Variants in FBXO16 observed in about 807,000 individuals in gnomAD.
FBXO16 encodes the protein F-box only protein 16.
Under a neutral mutation model 41.0 loss-of-function variants are expected in FBXO16, and 31 were observed. That is an observed-to-expected ratio of 0.76 (90% CI 0.57 to 1.02). The LOEUF (loss-of-function observed/expected upper bound fraction) is 1.02, where lower values mean the gene tolerates loss of function less well. Among genes scored for constraint, FBXO16 ranks in the 50% least tolerant of loss-of-function variants. FBXO16 has a pLI of 0.00. For synonymous variants in FBXO16, 133 were observed against 117.8 expected, an observed-to-expected ratio of 1.13 and a Z score of -0.84; for missense variants, 361 against 346.2, an observed-to-expected ratio of 1.04 and a Z score of -0.34.
intron 7 of FBXO16, among the ~76,000 whole-genome samples, chr8:28,441,802 T>C (rs1802781497): frequency 6.7e-6 from 1 of 149,786 alleles, no homozygotes; most frequent in Non-Finnish European, 1.5e-5. Context: ...ATCTTTGAAG[T>C]TTAATGAAGA....
chr8:28,467,547 G>C (rs985274100), intron 3 of FBXO16, among the ~76,000 whole-genome samples: 8 of 152,182 alleles, frequency 5.3e-5, no homozygotes, highest in African/African-American at 1.9e-4. Context: ...AAATGTCACA[G>C]TGATGTTAAA....
At chr8:28,433,582 C>G (rs1052639763) in intron 7 of FBXO16, among the ~76,000 whole-genome samples, 2 of 152,202 alleles carry the variant, frequency 1.3e-5, no homozygotes, top group African/African-American at 4.8e-5. Context: ...CGGAAGCTCT[C>G]CCCTGTAGCC....
At chr8:28,490,128 C>G (rs979680363) in intron 1 of FBXO16, 58 bp downstream of exon 1, 1 of 152,182 alleles carries the variant, frequency 6.6e-6, no homozygotes, top group East Asian at 1.9e-4. Context: ...ATGGGAGGCC[C>G]TGGAGCTTTC....
Position 28,447,780 on chromosome 8 carries a change from C to T in FBXO16, c.741-507G>A, listed in dbSNP as rs1802889647. On this transcript the variant is annotated intron_variant, in intron 6 of 8. Transcript: ENST00000380254. ...ACCAGCCTGGCCAACATGGTGAAAC[C>T]CCATCTCTACTAAAAATACAAAAAT... is the stretch of plus-strand genomic sequence containing the variant. 2.6e-5 allele frequency among the ~76,000 whole-genome samples: 4 copies of T among 152,156 alleles called. No individual in the cohort carries two copies. The East Asian group carries it at 5.8e-4, about 22-fold the overall frequency.
chr8:28,447,751 C>T (rs960961371), intron 6 of FBXO16, among the ~76,000 whole-genome samples: 83 of 152,056 alleles, frequency 5.5e-4, no homozygotes, highest in Non-Finnish European at 3.4e-4. Flanking sequence ...GTCAGGGGTT[C>T]GAGACCAGCC....
intron 2 of FBXO16, among the ~76,000 whole-genome samples, 176 bp from the exon 3 acceptor site, chr8:28,473,983 CTT>C (rs1038870879): frequency 6.6e-6 from 1 of 151,248 alleles, no homozygotes; most frequent in East Asian, 1.9e-4. Flanking sequence ...GTTTCTCTCT[CTT>C]TTTTTTTCTT....
intron 1 of FBXO16, among the ~76,000 whole-genome samples, chr8:28,488,103 G>A (rs561127443): frequency 2.2e-4 from 34 of 151,892 alleles, no homozygotes; most frequent in Non-Finnish European, 4.4e-4. Context: ...CACCCACTTC[G>A]GCCTCCCAAA....
intron 3 of FBXO16, among the ~76,000 whole-genome samples, chr8:28,467,400 C>T (rs985007420): frequency 1.3e-5 from 2 of 152,084 alleles, no homozygotes; most frequent in African/African-American, 4.8e-5. Flanking sequence ...ATATGTCAGC[C>T]TCGATTTCCT....
intron 3 of FBXO16, among the ~76,000 whole-genome samples, chr8:28,466,866 T>C (rs1803252202): frequency 6.6e-6 from 1 of 152,160 alleles, no homozygotes; most frequent in Non-Finnish European, 1.5e-5. Context: ...GGAGTATGGC[T>C]GTGAGTTTTG....
At chr8:28,440,369 C>CT (rs1221775262) in intron 7 of FBXO16, among the ~76,000 whole-genome samples, 1 of 152,108 alleles carries the variant, frequency 6.6e-6, no homozygotes, top group African/African-American at 2.4e-5. Flanking sequence ...CTCCTCCATC[C>CT]TTGGGGTTTC....
At chr8:28,467,587 A>G (rs923607707) in intron 3 of FBXO16, among the ~76,000 whole-genome samples, 2 of 152,232 alleles carry the variant, frequency 1.3e-5, no homozygotes, top group African/African-American at 4.8e-5. Flanking sequence ...AAGTAACTAT[A>G]AAAAGATGTG....
At chr8:28,478,325 A>T (rs1247102025) in intron 2 of FBXO16, among the ~76,000 whole-genome samples, 2 of 152,250 alleles carry the variant, frequency 1.3e-5, no homozygotes, top group East Asian at 3.9e-4. Context: ...CACCTGTTGG[A>T]AGGCTGCTGG....
At chr8:28,440,709 A>C (rs1802758270) in intron 7 of FBXO16, among the ~76,000 whole-genome samples, 1 of 152,206 alleles carries the variant, frequency 6.6e-6, no homozygotes, top group Admixed American at 6.5e-5. Flanking sequence ...ACAGGAAAAG[A>C]TAAGGGCTAA....
At chr8:28,465,868 G>T (rs566570209) in intron 3 of FBXO16, among the ~76,000 whole-genome samples, 2 of 152,098 alleles carry the variant, frequency 1.3e-5, no homozygotes, top group Non-Finnish European at 2.9e-5. Flanking sequence ...ACTTTTTAAA[G>T]TTCAGTTTGA....
At chr8:28,430,984 T>TAAATA (rs1802597388) in intron 7 of FBXO16, among the ~76,000 whole-genome samples, 1 of 151,906 alleles carries the variant, frequency 6.6e-6, no homozygotes, top group South Asian at 2.1e-4. Context: ...AAAATATAAA[T>TAAATA]AAATAAAATA....
intron 5 of FBXO16, 106 bp from the exon 6 acceptor site, chr8:28,452,582 C>A (rs1381570402): frequency 9.7e-7 from 1 of 1,028,412 alleles, no homozygotes; most frequent in African/African-American, 1.6e-5. Flanking sequence ...AGGCGGATCA[C>A]CTGAGGTCAG....
intron 4 of FBXO16, among the ~76,000 whole-genome samples, chr8:28,457,592 A>G (rs1803058941): frequency 6.6e-6 from 1 of 152,144 alleles, no homozygotes. Context: ...ATCAGATCTC[A>G]TAAGAATGAC....
intron 7 of FBXO16, 43 bp from the exon 8 acceptor site, chr8:28,429,446 G>A: frequency 6.2e-7 from 1 of 1,611,448 alleles, no homozygotes; most frequent in Non-Finnish European, 8.5e-7. Context: ...GAGAGGAAAA[G>A]AAAGAAATAA....
chr8:28,468,153 G>A (rs999347499), intron 3 of FBXO16, among the ~76,000 whole-genome samples: 1 of 152,188 alleles, frequency 6.6e-6, no homozygotes, highest in Non-Finnish European at 1.5e-5. Flanking sequence ...TAACTGAGTA[G>A]CCAGGGACCT....
Sources: allele counts gnomAD v4.1 joint callset (sites outside exome capture counted in the v4.1 genomes callset), GRCh38; gene constraint gnomAD v4.1.1; transcripts MANE v1.5; gene names NCBI Gene and HGNC (gene_info 2026-07-23, HGNC 2026-07-21).